The following AASS variants were observed in gnomAD, a reference collection of about 807,000 sequenced individuals.
The protein encoded by AASS is aminoadipate-semialdehyde synthase, also known as alpha-aminoadipic semialdehyde synthase, mitochondrial.
AASS carries 86 observed loss-of-function variants against 105.4 expected under a neutral mutation model. That is an observed-to-expected ratio of 0.82 (90% CI 0.69 to 0.98). The LOEUF (loss-of-function observed/expected upper bound fraction) is 0.98. Ranked by LOEUF, AASS falls within the 50% of genes least tolerant of loss-of-function variation. The pLI is 0.00. For synonymous variants in AASS, 381 were observed against 394.8 expected, an observed-to-expected ratio of 0.96 and a Z score of 0.41; for missense variants, 1,048 against 1,143.2, an observed-to-expected ratio of 0.92 and a Z score of 1.20.
intron 13 of AASS, among the ~76,000 whole-genome samples, chr7:122,101,061 A>G (rs955256174): frequency 3.3e-5 from 5 of 151,880 alleles, no homozygotes; most frequent in Non-Finnish European, 7.4e-5. Context: ...AGGCATGATC[A>G]TGTATCAAAA....
intron 18 of AASS, among the ~76,000 whole-genome samples, chr7:122,087,434 T>A (rs779283017): frequency 6.6e-6 from 1 of 152,236 alleles, no homozygotes; most frequent in Non-Finnish European, 1.5e-5. Context: ...ATGTGAGGAA[T>A]GCCTTCCATT....
chr7:122,078,853 A>G lies in AASS; in HGVS notation c.2485+9T>C, dbSNP rs1315942020. On this transcript the variant is annotated intron_variant, in intron 22 of 23. Transcript: ENST00000417368. The stretch of plus-strand genomic sequence containing the variant: ...TTTAGGTATATTTAGCTAATACTTC[A>G]TGGCCTACCATAGGAAAGCTTCATG... 1 of 1,611,148 alleles carries G rather than the reference A, an allele frequency of 6.2e-7. No individual in the cohort carries two copies. Among genetic ancestry groups the G allele is most frequent in the Non-Finnish European group, 8.5e-7 (1 of 1,177,480 alleles).
At chr7:122,129,219 T>C (rs1291777525) in intron 3 of AASS, 142 bp downstream of exon 3, 1 of 553,958 alleles carries the variant, frequency 1.8e-6, no homozygotes, top group Non-Finnish European at 2.9e-6. Context: ...CTTTTATCAT[T>C]CTTTCCATTT....
rs61750983 is a variant in AASS at position 122,113,657 on chromosome 7, A to G, written c.1107T>C (p.Cys369=). The G allele has an allele frequency of 3.1e-3, 4,964 of 1,613,760 alleles. 24 individuals carry two copies. Among genetic ancestry groups the G allele is most frequent in the Middle Eastern group, 9.1e-3 (55 of 6,056 alleles). ...TGGSIEFMTE[C]TTIEHPFCMY... ...TGCAAAAGGGATGCTCTATTGTTGTACACTCAGTCATAAACTCTATAGACC... is the reference window on the plus strand; with the variant it reads ...TGCAAAAGGGATGCTCTATTGTTGTGCACTCAGTCATAAACTCTATAGACC... Residue 369 remains cysteine, a synonymous_variant, in exon 10 of 24, where the codon TGT becomes TGC. Coordinates refer to ENST00000417368, the MANE Select transcript of AASS (RefSeq NM_005763.4).
At chr7:122,109,856 A>G (rs572291200) in intron 11 of AASS, among the ~76,000 whole-genome samples, 55 of 152,210 alleles carry the variant, frequency 3.6e-4, no homozygotes, top group African/African-American at 1.2e-3. Context: ...AACAAACAAA[A>G]GATCAATTGA....
chr7:122,111,577 T>C (rs1794932119), intron 11 of AASS, among the ~76,000 whole-genome samples: 2 of 152,216 alleles, frequency 1.3e-5, no homozygotes, highest in South Asian at 2.1e-4. Flanking sequence ...CATTTACCAT[T>C]ATAAAATTTT....
chr7:122,118,354 T>C lies in AASS; in HGVS notation c.640A>G (p.Ile214Val), dbSNP rs770846452. ...GTGAACACAAATGTTAAGGGTCCTA[T>C]TGACTTAGGCATCAAACCCAAAGAT... ...EISLGLMPKSIGPLTFVFTGT... is the reference protein window; with the variant it reads ...EISLGLMPKSVGPLTFVFTGT... Residue 214 changes from isoleucine (I) to valine (V), a missense_variant, in exon 6 of 24, where the codon ATA (isoleucine) becomes GTA (valine). By Grantham distance (29) the Ile-to-Val change is conservative. Coordinates refer to ENST00000417368, the MANE Select transcript of AASS (RefSeq NM_005763.4). 2 of 1,614,176 alleles carry C rather than the reference T, an allele frequency of 1.2e-6. No homozygotes were observed. Among genetic ancestry groups the C allele is most frequent in the East Asian group, 4.5e-5 (2 of 44,880 alleles).
rs371658771 is a variant in AASS, at chr7:122,079,734, A to G, written c.2281-22T>C. On this transcript the variant is annotated intron_variant, in intron 20 of 23. Coordinates refer to ENST00000417368, the MANE Select transcript of AASS (RefSeq NM_005763.4). ...GTTTCTGGTTAGAAAAAGAAATACA[A>G]TATTTCTAAGTCCCTAACAAATTTT... 1.2e-5 allele frequency: 18 copies of G among 1,558,256 alleles called. No individual in the cohort carries two copies. The African/African-American group carries it at 2.2e-4, about 19-fold the overall frequency.
intron 1 of AASS, among the ~76,000 whole-genome samples, chr7:122,138,907 C>T (rs555579964): frequency 1.3e-5 from 2 of 152,166 alleles, no homozygotes; most frequent in South Asian, 4.1e-4. Flanking sequence ...CATGAGCTGT[C>T]CTATGGTCAC....
At chr7:122,135,462 GTATTAAACCCC>G (rs1796101258) in intron 1 of AASS, among the ~76,000 whole-genome samples, 1 of 152,038 alleles carries the variant, frequency 6.6e-6, no homozygotes, top group Admixed American at 6.5e-5. Flanking sequence ...GTCTGCTGTT[GTATTAAACCCC>G]GACCTGCCTC....
At chr7:122,086,386 C>T (rs1307305381) in intron 18 of AASS, among the ~76,000 whole-genome samples, 1 of 151,942 alleles carries the variant, frequency 6.6e-6, no homozygotes, top group Non-Finnish European at 1.5e-5. Context: ...TAAAATTTGA[C>T]TTTAAAACAT....
rs915191935 is a variant in AASS at position 122,082,312 on chromosome 7, G to A, written c.2185-717C>T. Among the ~76,000 whole-genome samples the A allele has an allele frequency of 3.9e-5, 6 of 152,078 alleles. No homozygotes were observed. The East Asian group carries it at 9.6e-4, about 24-fold the overall frequency. ...TCTCCACTTTCACTATTCCCCAAAT[G>A]TGCTGTGTTCTTCCAGAAACCAGGG... On this transcript the variant is annotated intron_variant, in intron 19 of 23. Coordinates refer to ENST00000417368, the MANE Select transcript of AASS (RefSeq NM_005763.4).
chr7:122,085,004 A>T (rs1473280270), intron 19 of AASS, among the ~76,000 whole-genome samples: 3 of 152,172 alleles, frequency 2.0e-5, no homozygotes, highest in Non-Finnish European at 4.4e-5. Flanking sequence ...ATATGGCCTC[A>T]CTTGAATGTT....
chr7:122,137,838 G>A (rs1796222447), intron 1 of AASS, among the ~76,000 whole-genome samples: 1 of 152,184 alleles, frequency 6.6e-6, no homozygotes, highest in South Asian at 2.1e-4. Context: ...TGCCTTCAAT[G>A]AAGGAAGGAG....
intron 11 of AASS, among the ~76,000 whole-genome samples, chr7:122,109,737 T>C (rs1427421018): frequency 6.7e-6 from 1 of 149,588 alleles, no homozygotes; most frequent in East Asian, 1.9e-4. Context: ...CTTCATTACA[T>C]TGACCTGGTT....
At chr7:122,084,672 AC>A (rs1353971692) in intron 19 of AASS, among the ~76,000 whole-genome samples, 3 of 152,114 alleles carry the variant, frequency 2.0e-5, no homozygotes, top group Non-Finnish European at 4.4e-5. Flanking sequence ...TGATACAAAT[AC>A]CTGGAGGAAA....
chr7:122,132,842 G>A (rs983580924), intron 2 of AASS, among the ~76,000 whole-genome samples: 3 of 152,112 alleles, frequency 2.0e-5, no homozygotes, highest in African/African-American at 7.2e-5. Flanking sequence ...GGGATGTGCT[G>A]TTCTAGATTG....
At chr7:122,125,721 A>G (rs2150546941) in intron 4 of AASS, among the ~76,000 whole-genome samples, 1 of 152,356 alleles carries the variant, frequency 6.6e-6, no homozygotes, top group South Asian at 2.1e-4. Flanking sequence ...GCTTGCTTGG[A>G]CCAGTATAAG....
intron 8 of AASS, 101 bp from the exon 9 acceptor site, chr7:122,115,323 T>C (rs906068841): frequency 7.0e-7 from 1 of 1,427,346 alleles, no homozygotes; most frequent in East Asian, 2.4e-5. Context: ...AATAATTAAA[T>C]GTAACTTCTA....
Sources: allele counts gnomAD v4.1 joint callset (sites outside exome capture counted in the v4.1 genomes callset), GRCh38; gene constraint gnomAD v4.1.1; transcripts MANE v1.5; gene names NCBI Gene and HGNC (gene_info 2026-07-23, HGNC 2026-07-21).